Variants in KICS2 observed in about 807,000 individuals in gnomAD.
The protein encoded by KICS2 is KICSTOR complex protein C12orf66.
Under a neutral mutation model 31.4 loss-of-function variants are expected in KICS2, and 13 were observed. The observed-to-expected ratio is 0.41, with a 90% CI of 0.27 to 0.66. KICS2 has a LOEUF of 0.66. Among genes scored for constraint, KICS2 ranks in the 30% least tolerant of loss-of-function variants. The pLI is 0.28. For synonymous variants in KICS2, 209 were observed against 214.8 expected (o/e 0.97, Z 0.24); for missense variants, 455 against 545.4 (o/e 0.83, Z 1.65).
chr12:64,210,556 G>T lies in KICS2; in HGVS notation c.521+5122C>A, dbSNP rs569464082. Among the ~76,000 whole-genome samples, 15 of 152,256 alleles carry T rather than the reference G, an allele frequency of 9.9e-5. No individual in the cohort carries two copies. In the South Asian group the frequency reaches 3.1e-3, roughly 32 times the overall value. On this transcript the variant is annotated intron_variant, in intron 2 of 2. Transcript: ENST00000398055. The stretch of plus-strand genomic sequence containing the variant: ...TTTGGAAGGCCAAGGCAGGAGGATG[G>T]CTTGGACGCAGGAGTTCAAGACAAG...
chr12:64,207,706 C>A (rs569675462), intron 2 of KICS2, among the ~76,000 whole-genome samples: 1 of 152,282 alleles, frequency 6.6e-6, no homozygotes, highest in African/African-American at 2.4e-5. Flanking sequence ...AAAAAGTCAA[C>A]CCCAGTGAGA....
intron 2 of KICS2, among the ~76,000 whole-genome samples, chr12:64,194,938 T>TTC (rs2037419179): frequency 1.3e-5 from 1 of 77,830 alleles, no homozygotes; most frequent in Admixed American, 1.2e-4. Context: ...TACAATTCAT[T>TTC]TTTTTTTTTT....
In KICS2 at chr12:64,192,646, T is replaced by C. The variant is rs944843957; in HGVS notation, c.*1196A>G. 21 of 985,456 alleles carry C rather than the reference T, an allele frequency of 2.1e-5. No individual in the cohort carries two copies. Among genetic ancestry groups the C allele is most frequent in the Non-Finnish European group, 2.5e-5 (21 of 829,940 alleles). The allele number at this position is 985,456 out of a possible 1,614,324, so 61.0% of individuals were successfully genotyped here. A position where few individuals can be genotyped will look rare whatever the true frequency, so the allele number is the denominator to read the frequency against. On this transcript the variant is annotated 3_prime_UTR_variant, in exon 3 of 3. Coordinates refer to ENST00000398055, the MANE Select transcript of KICS2 (RefSeq NM_152440.5). ...AAACCAGTAACAACTCAATTACTCT[T>C]TGTGGCTTCTTTTTATTTTGAATCA...
Position 64,194,148 on chromosome 12 carries a change from G to A in KICS2, c.1032C>T (p.Asp344=), listed in dbSNP as rs750044162. The change falls in exon 3 of 3, where the codon GAC becomes GAT. Residue 344 remains aspartate, a synonymous_variant. Coordinates refer to ENST00000398055, the MANE Select transcript of KICS2 (RefSeq NM_152440.5). ...HSYREAPKGV[D]QYPAVVSLPS... ...GCAGAGACACTACAGCTGGATACTG[G>A]TCCACACCCTTGGGGGCCTCTCTGT... 1.2e-6 allele frequency: 2 copies of A among 1,614,142 alleles called. No homozygotes were observed. The highest frequency in any genetic ancestry group is 2.2e-5 in the South Asian group (2 of 91,078).
chr12:64,203,241 T>G (rs1229496794), intron 2 of KICS2, among the ~76,000 whole-genome samples: 1 of 152,234 alleles, frequency 6.6e-6, no homozygotes, highest in Non-Finnish European at 1.5e-5. Flanking sequence ...CCTCATTGAT[T>G]CTGCCTGCTG....
chr12:64,193,662 G>A lies in KICS2; in HGVS notation c.*180C>T. ...ATGACCACTTCCTAGATTACTCTTT[G>A]GAAACTTAATTCAATTGGCCTTAAT... On this transcript the variant is annotated 3_prime_UTR_variant, in exon 3 of 3. Coordinates refer to ENST00000398055, the MANE Select transcript of KICS2 (RefSeq NM_152440.5). The A allele has an allele frequency of 7.1e-7, 1 of 1,416,070 alleles. No homozygotes were observed. The highest frequency in any genetic ancestry group is 9.2e-7 in the Non-Finnish European group (1 of 1,090,382). The allele number at this position is 1,416,070 out of a possible 1,614,324, so 87.7% of individuals were successfully genotyped here.
At chr12:64,195,764 C>G (rs1436754576) in intron 2 of KICS2, among the ~76,000 whole-genome samples, 5 of 152,274 alleles carry the variant, frequency 3.3e-5, no homozygotes, top group Admixed American at 6.5e-5. Flanking sequence ...CGAGCCGAAG[C>G]AGGGCGAGGC....
At chr12:64,186,926 T>C (rs1407044466), downstream of KICS2, 1 of 152,264 alleles carries the variant, frequency 6.6e-6, no homozygotes, top group East Asian at 1.9e-4. Flanking sequence ...GCTCTGACAC[T>C]GGCCTAGCCT....
rs776699447 is a variant in KICS2, at chr12:64,193,623, A to G, written c.*219T>C. 3.6e-6 allele frequency: 5 copies of G among 1,375,914 alleles called. No individual in the cohort carries two copies. The highest frequency in any genetic ancestry group is 3.7e-6 in the Non-Finnish European group (4 of 1,068,988). 85.2% of individuals were successfully genotyped at this position (1,375,914 alleles called of 1,614,324 possible). A position where few individuals can be genotyped will look rare whatever the true frequency, so the allele number is the denominator to read the frequency against. ...GAAACTACTTTGCTGTACCATGGAG[A>G]CACATGGTAGCCCATGACCACTTCC... On this transcript the variant is annotated 3_prime_UTR_variant, in exon 3 of 3. Coordinates refer to ENST00000398055, the MANE Select transcript of KICS2 (RefSeq NM_152440.5).
chr12:64,187,552 A>G (rs950749456), downstream of KICS2: 3 of 1,308,708 alleles, frequency 2.3e-6, no homozygotes, highest in African/African-American at 4.4e-5. Flanking sequence ...AAAGGCAGAA[A>G]TGCACATCAA....
At chr12:64,205,847 T>A (rs1381586010) in intron 2 of KICS2, among the ~76,000 whole-genome samples, 1 of 151,672 alleles carries the variant, frequency 6.6e-6, no homozygotes, top group Non-Finnish European at 1.5e-5. Flanking sequence ...TAGATTTGTG[T>A]AATATTCTAA....
chr12:64,196,491 C>G (rs1146121), intron 2 of KICS2, among the ~76,000 whole-genome samples: 1 of 149,328 alleles, frequency 6.7e-6, no homozygotes, highest in Admixed American at 6.7e-5. Flanking sequence ...AAAACCACAA[C>G]GATGGGGAAA....
intron 1 of KICS2, among the ~76,000 whole-genome samples, chr12:64,217,131 TC>T (rs1462265098): frequency 6.6e-6 from 1 of 152,214 alleles, no homozygotes; most frequent in Non-Finnish European, 1.5e-5. Flanking sequence ...AAATGAATCT[TC>T]CTTCCCTTAC....
chr12:64,195,188 T>C (rs1265515272), intron 2 of KICS2, among the ~76,000 whole-genome samples: 1 of 152,232 alleles, frequency 6.6e-6, no homozygotes, highest in Non-Finnish European at 1.5e-5. Flanking sequence ...GCGCTGGGAT[T>C]ACAGGTGTGG....
chr12:64,205,019 T>C (rs542629764), intron 2 of KICS2: 5 of 152,354 alleles, frequency 3.3e-5, no homozygotes, highest in South Asian at 4.1e-4. Flanking sequence ...TTGACACTTA[T>C]AAGCATTAAA....
intron 2 of KICS2, among the ~76,000 whole-genome samples, chr12:64,205,907 T>G (rs535925878): frequency 4.1e-4 from 63 of 152,276 alleles, no homozygotes; most frequent in African/African-American, 1.4e-3. Context: ...CTTTGCAAAT[T>G]TGCACCACGG....
intron 2 of KICS2, among the ~76,000 whole-genome samples, chr12:64,197,595 T>C (rs1334519239): frequency 6.6e-6 from 1 of 150,488 alleles, no homozygotes; most frequent in Non-Finnish European, 1.5e-5. Flanking sequence ...AATGCACACA[T>C]AACAATATTA....
At chr12:64,204,208 G>A (rs974427656) in intron 2 of KICS2, among the ~76,000 whole-genome samples, 1 of 152,146 alleles carries the variant, frequency 6.6e-6, no homozygotes, top group Non-Finnish European at 1.5e-5. Flanking sequence ...GCCTGTTGGG[G>A]CCTGTTGGAG....
chr12:64,214,817 G>A (rs117323730), intron 2 of KICS2, among the ~76,000 whole-genome samples: 3 of 152,072 alleles, frequency 2.0e-5, no homozygotes, highest in Non-Finnish European at 4.4e-5. Flanking sequence ...GGAGATTACA[G>A]GCACTTAGTG....
Sources: allele counts gnomAD v4.1 joint callset (sites outside exome capture counted in the v4.1 genomes callset), GRCh38; gene constraint gnomAD v4.1.1; transcripts MANE v1.5; gene names NCBI Gene and HGNC (gene_info 2026-07-23, HGNC 2026-07-21).